ZNF570: variants seen among roughly 807,000 people sequenced by gnomAD.
ZNF570 encodes zinc finger protein 570.
In ZNF570, 8 loss-of-function variants were observed where a neutral mutation model predicts 14.2. That is an observed-to-expected ratio of 0.56 (90% confidence interval 0.33 to 1.02). ZNF570 has a LOEUF of 1.02. Among genes scored for constraint, ZNF570 ranks in the 50% least tolerant of loss-of-function variants. The pLI is 0.03. For missense variants in ZNF570, 559 were observed against 624.9 expected, an observed-to-expected ratio of 0.89 and a Z score of 1.12; for synonymous variants, 202 against 207.6, an observed-to-expected ratio of 0.97 and a Z score of 0.23.
chr19:37,481,953 G>C (rs1286240366), intron 4 of ZNF570, among the ~76,000 whole-genome samples: 1 of 152,072 alleles, frequency 6.6e-6, no homozygotes, highest in African/African-American at 2.4e-5. Flanking sequence ...TTTTGTACCA[G>C]GAAGATTTGT....
At chr19:37,474,743 G>A (rs938553818) in intron 2 of ZNF570, among the ~76,000 whole-genome samples, 3 of 152,032 alleles carry the variant, frequency 2.0e-5, no homozygotes, top group Non-Finnish European at 4.4e-5. Flanking sequence ...ACAGGTGTGA[G>A]CCATCTCACC....
In ZNF570 at chr19:37,484,151, C is replaced by T. The variant is rs1221820406; in HGVS notation, c.529C>T (p.Leu177Phe). The T allele has an allele frequency of 1.2e-6, 2 of 1,613,680 alleles. No homozygotes were observed. The highest frequency in any genetic ancestry group is 1.7e-6 in the Non-Finnish European group (2 of 1,179,980). Residue 177 changes from leucine to phenylalanine, a missense_variant, in exon 5 of 5, where the codon CTT (leucine) becomes TTT (phenylalanine). Leu to Phe is a conservative substitution (Grantham distance 22). Transcript: ENST00000330173. Reference protein sequence around the residue: ...SWGSFHQNPLLCTQKIIPKEE... With the variant: ...SWGSFHQNPLFCTQKIIPKEE... ...GGGAAGTTTTCATCAGAACCCACTG[C>T]TTTGTACACAAAAGATAATCCCCAA...
chr19:37,484,532 T>C lies in ZNF570; in HGVS notation c.910T>C (p.Cys304Arg). 2 of 1,614,096 alleles carry C rather than the reference T, an allele frequency of 1.2e-6. No homozygotes were observed. The highest frequency in any genetic ancestry group is 1.7e-6 in the Non-Finnish European group (2 of 1,179,992). ...TCATACTGGAGAAAAACCTTACGAATGTAAGGTATGTCGAAAAGCCTTCAG... is the reference window on the plus strand; with the variant it reads ...TCATACTGGAGAAAAACCTTACGAACGTAAGGTATGTCGAAAAGCCTTCAG... ...RVHTGEKPYECKVCRKAFSQF... is the reference protein window; with the variant it reads ...RVHTGEKPYERKVCRKAFSQF... Residue 304 changes from cysteine (C) to arginine (R), a missense_variant, in exon 5 of 5, where the codon TGT becomes CGT. Coordinates refer to ENST00000330173, the MANE Select transcript of ZNF570 (RefSeq NM_144694.5).
intron 2 of ZNF570, among the ~76,000 whole-genome samples, chr19:37,473,115 G>A (rs1215857479): frequency 6.6e-6 from 1 of 152,160 alleles, no homozygotes; most frequent in Non-Finnish European, 1.5e-5. Flanking sequence ...GCATGGGGAA[G>A]GAGATCTTGA....
At chr19:37,483,849 G>A in intron 4 of ZNF570, 30 bp from the exon 5 acceptor site, 1 of 1,553,102 alleles carries the variant, frequency 6.4e-7, no homozygotes, top group Non-Finnish European at 8.6e-7. Context: ...CTCAATAGAG[G>A]AGACATTTTT....
rs2041937004 is a variant in ZNF570, at chr19:37,470,393, T to G, written c.33+6T>G. The G allele has an allele frequency of 6.2e-7, 1 of 1,613,014 alleles. No homozygotes were observed. The highest frequency in any genetic ancestry group is 2.2e-5 in the East Asian group (1 of 44,876). On this transcript the variant is annotated splice_donor_region_variant and intron_variant, in intron 2 of 4. Coordinates refer to ENST00000330173, the MANE Select transcript of ZNF570 (RefSeq NM_144694.5). ...TTCTTAAAGCCATGTACCAGGTGTG[T>G]TGGTGTTTTCTCGATTTCCTGAATA... is the stretch of plus-strand genomic sequence containing the variant.
At chr19:37,479,858 C>G (rs1052335700) in intron 4 of ZNF570, among the ~76,000 whole-genome samples, 1 of 151,918 alleles carries the variant, frequency 6.6e-6, no homozygotes, top group Non-Finnish European at 1.5e-5. Context: ...CTTTATTCTC[C>G]GGCTTGCTGT....
At chr19:37,483,206 G>A (rs1199704055) in intron 4 of ZNF570, among the ~76,000 whole-genome samples, 2 of 152,098 alleles carry the variant, frequency 1.3e-5, no homozygotes, top group African/African-American at 2.4e-5. Flanking sequence ...CATGCTTCTA[G>A]TTTTGGGCCT....
At chr19:37,478,191 A>G (rs2042048304) in intron 4 of ZNF570, among the ~76,000 whole-genome samples, 1 of 152,174 alleles carries the variant, frequency 6.6e-6, no homozygotes, top group Non-Finnish European at 1.5e-5. Flanking sequence ...AATTCTGGAA[A>G]TTTTAAAAAT....
intron 1 of ZNF570, chr19:37,470,066 T>TA: frequency 2.4e-6 from 1 of 408,854 alleles, no homozygotes; most frequent in East Asian, 4.0e-5. Context: ...TGTGAAAACT[T>TA]ACATTCCTCT....
At chr19:37,470,272 T>G in intron 1 of ZNF570, 32 bp from the exon 2 acceptor site, 8 of 1,599,724 alleles carry the variant, frequency 5.0e-6, no homozygotes, top group Non-Finnish European at 6.8e-6. Flanking sequence ...GCAAGAAAAG[T>G]CTAGTTTCTC....
intron 2 of ZNF570, among the ~76,000 whole-genome samples, chr19:37,474,966 TG>T (rs1226629085): frequency 4.0e-5 from 5 of 125,996 alleles, no homozygotes; most frequent in Admixed American, 8.1e-5. Context: ...GTTTTGTTTT[TG>T]TTTTTTTTTT....
chr19:37,473,492 A>G (rs539474857), intron 2 of ZNF570, among the ~76,000 whole-genome samples: 2 of 152,288 alleles, frequency 1.3e-5, no homozygotes, highest in South Asian at 4.1e-4. Context: ...AGATCAGTGA[A>G]TTGTACTTCT....
rs566223840 is a variant in ZNF570, at chr19:37,485,915, A to G, written c.*682A>G. 1 of 152,058 alleles carries G rather than the reference A, an allele frequency of 6.6e-6. No individual in the cohort carries two copies. The highest frequency in any genetic ancestry group is 2.4e-5 in the African/African-American group (1 of 41,436). The allele number at this position is 152,058 out of a possible 1,614,324, so 9.4% of individuals were successfully genotyped here. A position where few individuals can be genotyped will look rare whatever the true frequency, so the allele number is the denominator to read the frequency against. On this transcript the variant is annotated 3_prime_UTR_variant, in exon 5 of 5. Coordinates refer to ENST00000330173, the MANE Select transcript of ZNF570 (RefSeq NM_144694.5). ...AAATTAGCCGGGCGTGGTGGTGCAC[A>G]CTTGTAATCCCAGCTACTCTGGAGG...
At chr19:37,473,073 T>C (rs1416785236) in intron 2 of ZNF570, among the ~76,000 whole-genome samples, 2 of 152,138 alleles carry the variant, frequency 1.3e-5, no homozygotes, top group African/African-American at 2.4e-5. Flanking sequence ...TTTTGTTTTC[T>C]CAGAGAAAAT....
rs1238582213 is a variant in ZNF570, at chr19:37,485,999, G to C, written c.*766G>C. On this transcript the variant is annotated 3_prime_UTR_variant, in exon 5 of 5. Transcript: ENST00000330173. ...AGAGGTTGCAGTGAGCCGAGATGGC[G>C]CCATTGCATTCCAACCTGGGCAACA... is the stretch of plus-strand genomic sequence containing the variant. The C allele has an allele frequency of 6.6e-6, 1 of 152,092 alleles. No individual in the cohort carries two copies. Among genetic ancestry groups the C allele is most frequent in the African/African-American group, 2.4e-5 (1 of 41,412 alleles). The allele number at this position is 152,092 out of a possible 1,614,324, so 9.4% of individuals were successfully genotyped here. A position where few individuals can be genotyped will look rare whatever the true frequency, so the allele number is the denominator to read the frequency against.
upstream of ZNF570, chr19:37,468,113 C>T: frequency 1.6e-6 from 1 of 638,158 alleles, no homozygotes; most frequent in South Asian, 2.0e-5. Flanking sequence ...GAGGCAGAGC[C>T]TCACTTTGTT....
rs752828998 is a variant in ZNF570 at position 37,484,680 on chromosome 19, C to G, written c.1058C>G (p.Thr353Arg). The G allele has an allele frequency of 5.6e-6, 9 of 1,614,062 alleles. No individual in the cohort carries two copies. The Admixed American group carries it at 1.3e-4, about 24-fold the overall frequency. ...ATTGCTCAACACCAGAGAGTTCATACAGGAGAGAAACCCTATGAATGTAAT... is the reference window on the plus strand; with the variant it reads ...ATTGCTCAACACCAGAGAGTTCATAGAGGAGAGAAACCCTATGAATGTAAT... ...SSIAQHQRVH[T>R]GEKPYECNVC... The change falls in exon 5 of 5, where the codon ACA becomes AGA. Residue 353 changes from threonine (T) to arginine (R), a missense_variant. Physicochemically the swap from Thr to Arg is moderately conservative, Grantham distance 71. Coordinates refer to ENST00000330173, the MANE Select transcript of ZNF570 (RefSeq NM_144694.5).
rs10404187 is a variant in ZNF570 at position 37,471,472 on chromosome 19, G to C, written c.33+1085G>C. ...TTTTTAGTAAGCACCCATTACCACTGGGTGTCGCAGGTCTTAGTCCCTCAT... is the reference window on the plus strand; with the variant it reads ...TTTTTAGTAAGCACCCATTACCACTCGGTGTCGCAGGTCTTAGTCCCTCAT... On this transcript the variant is annotated intron_variant, in intron 2 of 4. Transcript: ENST00000330173. Among the ~76,000 whole-genome samples, 610 of 152,222 alleles carry C rather than the reference G, an allele frequency of 4.0e-3. 7 individuals carry two copies. Among genetic ancestry groups the C allele is most frequent in the African/African-American group, 0.014 (574 of 41,512 alleles).
Sources: gnomAD v4.1 joint callset for allele counts (sites outside exome capture counted in the v4.1 genomes callset) on GRCh38, gnomAD v4.1.1 for gene constraint, MANE v1.5 for transcripts, NCBI Gene and HGNC (gene_info 2026-07-23, HGNC 2026-07-21) for gene names.